Variants in MTMR9 observed in about 807,000 individuals in gnomAD.
MTMR9 encodes the protein myotubularin related protein 9, also known as myotubularin-related protein 9.
MTMR9 carries 39 observed loss-of-function variants against 69.5 expected under a neutral mutation model. That is an observed-to-expected ratio of 0.56 (90% confidence interval 0.43 to 0.73). The LOEUF is 0.73. Ranked by LOEUF, MTMR9 falls within the 30% of genes least tolerant of loss-of-function variation. The pLI, the probability that MTMR9 is intolerant of heterozygous loss-of-function variation, is 0.00. For missense variants in MTMR9, 900 were observed against 671.2 expected (o/e 1.34, Z -3.77); for synonymous variants, 354 against 240.8 (o/e 1.47, Z -4.35).
rs956093288 is a variant in MTMR9, at chr8:11,322,828, T to A, written c.*40T>A. On this transcript the variant is annotated 3_prime_UTR_variant, in exon 10 of 10. Transcript: ENST00000221086. ...CCCTTCGCAAGGACCTTCTTGGGCC[T>A]GTGTCCGCCGTTCTCTCCTTGTGCC... 1.5e-5 allele frequency: 24 copies of A among 1,577,528 alleles called. No homozygotes were observed. Among genetic ancestry groups the A allele is most frequent in the Non-Finnish European group, 1.9e-5 (22 of 1,160,098 alleles).
At chr8:11,332,304 C>A, downstream of MTMR9, 1 of 1,081,498 alleles carries the variant, frequency 9.2e-7, no homozygotes, top group Non-Finnish European at 1.2e-6. Flanking sequence ...TATCACAAAG[C>A]ATGCAAACAA....
At chr8:11,328,367 GTGTGTT>G (rs1280688395), downstream of MTMR9, among the ~76,000 whole-genome samples, 35 of 150,868 alleles carry the variant, frequency 2.3e-4, no homozygotes, top group African/African-American at 5.9e-4. Context: ...GTGTGTGTGT[GTGTGTT>G]TGTTACACTG....
chr8:11,322,318 A>G (rs1223066000), intron 9 of MTMR9, among the ~76,000 whole-genome samples: 1 of 152,222 alleles, frequency 6.6e-6, no homozygotes, highest in African/African-American at 2.4e-5. Flanking sequence ...GCAAATTATC[A>G]TCTTGTTTTC....
chr8:11,315,337 A>G (rs371380482), intron 7 of MTMR9, among the ~76,000 whole-genome samples: 3 of 152,276 alleles, frequency 2.0e-5, no homozygotes, highest in South Asian at 2.1e-4. Context: ...GCATAGTGCA[A>G]TCTCCCAGAA....
intron 1 of MTMR9, among the ~76,000 whole-genome samples, chr8:11,290,677 C>T (rs1317354530): frequency 1.3e-5 from 2 of 152,074 alleles, no homozygotes; most frequent in African/African-American, 4.8e-5. Flanking sequence ...TTCTTAATCC[C>T]ATCACGTGAC....
intron 6 of MTMR9, among the ~76,000 whole-genome samples, chr8:11,310,358 A>G (rs1800148139): frequency 1.3e-5 from 2 of 152,230 alleles, no homozygotes; most frequent in South Asian, 4.1e-4. Context: ...AGGGGATTCC[A>G]CTGAAACAGT....
the MTMR9 span, among the ~76,000 whole-genome samples, chr8:11,337,856 T>G: frequency 6.6e-6 from 1 of 152,178 alleles, no homozygotes; most frequent in Non-Finnish European, 1.5e-5. Context: ...ACTCTTGAGG[T>G]TGAGTCTTCA....
chr8:11,321,444 C>G (rs1800685204), intron 9 of MTMR9: 1 of 456,392 alleles, frequency 2.2e-6, no homozygotes, highest in African/African-American at 2.0e-5. Context: ...AGAAAACCCA[C>G]ATTGGGAGCT....
chr8:11,307,335 G>T (rs2117413229), intron 5 of MTMR9, among the ~76,000 whole-genome samples: 1 of 152,292 alleles, frequency 6.6e-6, no homozygotes, highest in African/African-American at 2.4e-5. Context: ...GCCCCTCAAA[G>T]TGTTGAAATT....
intron 9 of MTMR9, among the ~76,000 whole-genome samples, chr8:11,322,204 T>C (rs1800726096): frequency 6.6e-6 from 1 of 152,196 alleles, no homozygotes; most frequent in Non-Finnish European, 1.5e-5. Context: ...ACTTTTCAGG[T>C]GAAAATGGCT....
At chr8:11,285,590 A>T (rs1788889663) in intron 1 of MTMR9, among the ~76,000 whole-genome samples, 2 of 152,132 alleles carry the variant, frequency 1.3e-5, no homozygotes, top group South Asian at 4.1e-4. Flanking sequence ...TTTAATTCTC[A>T]CTAAGGGAGA....
At chr8:11,297,338 C>G (rs1646236197) in intron 2 of MTMR9, among the ~76,000 whole-genome samples, 1 of 152,210 alleles carries the variant, frequency 6.6e-6, no homozygotes, top group South Asian at 2.1e-4. Flanking sequence ...AGAAGATGAA[C>G]TGAACTGTTT....
At chr8:11,313,240 G>T (rs1458026193) in intron 6 of MTMR9, among the ~76,000 whole-genome samples, 1 of 152,168 alleles carries the variant, frequency 6.6e-6, no homozygotes, top group Non-Finnish European at 1.5e-5. Flanking sequence ...ACTTCTCTCA[G>T]CCTTCATAGA....
intron 9 of MTMR9, 127 bp from the exon 10 acceptor site, chr8:11,322,498 G>A: frequency 1.4e-6 from 1 of 703,068 alleles, no homozygotes; most frequent in Non-Finnish European, 2.4e-6. Context: ...ATAAAATACA[G>A]ATGTGAGTTG....
chr8:11,311,950 A>G (rs1355715964), intron 6 of MTMR9, among the ~76,000 whole-genome samples: 1 of 150,594 alleles, frequency 6.6e-6, no homozygotes, highest in Non-Finnish European at 1.5e-5. Context: ...CTATCTCAGG[A>G]TACTACTTTT....
At position 11,315,030 on chromosome 8, in the gene MTMR9, G is replaced by T. The variant is rs779674281; in HGVS notation, c.1079G>T (p.Gly360Val). ...GAGCCAAGAAGCAGGACCATTCGTGGTTTTGAGGCCCTGATTGAAAGAGAG... is the reference window on the plus strand; with the variant it reads ...GAGCCAAGAAGCAGGACCATTCGTGTTTTTGAGGCCCTGATTGAAAGAGAG... Reference protein sequence around the residue: ...ILEPRSRTIRGFEALIEREWL... With the variant: ...ILEPRSRTIRVFEALIEREWL... Residue 360 changes from glycine (G) to valine (V), a missense_variant, in exon 7 of 10, where the codon GGT becomes GTT. Gly to Val is a moderately radical substitution (Grantham distance 109). Transcript: ENST00000221086. 1 of 1,613,882 alleles carries T rather than the reference G, an allele frequency of 6.2e-7. No individual in the cohort carries two copies. Among genetic ancestry groups the T allele is most frequent in the South Asian group, 1.1e-5 (1 of 91,050 alleles).
In MTMR9 at chr8:11,284,904, C is replaced by G. The variant is rs1799086319; in HGVS notation, c.16C>G (p.Leu6Val). The G allele has an allele frequency of 1.2e-6, 2 of 1,606,122 alleles. No individual in the cohort carries two copies. The highest frequency in any genetic ancestry group is 3.4e-5 in the Admixed American group (2 of 58,980). The stretch of plus-strand genomic sequence containing the variant: ...GCGGGGGAGCATGGAGTTTGCGGAG[C>G]TGATTAAGACCCCGCGGGTGGACAA... Reference protein sequence around the residue: MEFAELIKTPRVDNVV... With the variant: MEFAEVIKTPRVDNVV... The change falls in exon 1 of 10, where the codon CTG becomes GTG. Residue 6 changes from leucine to valine, a missense_variant. Leu to Val is a conservative substitution (Grantham distance 32, BLOSUM62 1). Transcript: ENST00000221086.
chr8:11,309,726 G>A (rs182211800), intron 6 of MTMR9, 38 bp downstream of exon 6: 228 of 1,601,560 alleles, frequency 1.4e-4, no homozygotes, highest in East Asian at 8.5e-4. Context: ...GAAACATGGC[G>A]CTGCTAACTA....
Position 11,326,154 on chromosome 8 carries a change from C to T in MTMR9, c.*3366C>T, listed in dbSNP as rs538433545. On this transcript the variant is annotated 3_prime_UTR_variant, in exon 10 of 10. Coordinates refer to ENST00000221086, the MANE Select transcript of MTMR9 (RefSeq NM_015458.4). Reference sequence around the variant, plus strand: ...CAAGTGAAAAACAGGAGTAATGTTTCGTTGCACTTTGAAAGATCTGCTTCA... The same window carrying T: ...CAAGTGAAAAACAGGAGTAATGTTTTGTTGCACTTTGAAAGATCTGCTTCA... 2 of 152,322 alleles carry T rather than the reference C, an allele frequency of 1.3e-5. No homozygotes were observed. Among genetic ancestry groups the T allele is most frequent in the South Asian group, 2.1e-4 (1 of 4,824 alleles). 9.4% of individuals were successfully genotyped at this position (152,322 alleles called of 1,614,324 possible).
Sources: allele counts gnomAD v4.1 joint callset (sites outside exome capture counted in the v4.1 genomes callset), GRCh38; gene constraint gnomAD v4.1.1; transcripts MANE v1.5; gene names NCBI Gene and HGNC (gene_info 2026-07-23, HGNC 2026-07-21).